Variants in RTN1 observed in about 807,000 individuals in gnomAD.
The protein encoded by RTN1 is reticulon 1, also known as reticulon-1.
Under a neutral mutation model 65.5 loss-of-function variants are expected in RTN1, and 25 were observed. The ratio of observed to expected loss-of-function variants is 0.38; its 90% CI spans 0.28 to 0.53. RTN1 has a LOEUF of 0.53. Among genes scored for constraint, RTN1 ranks in the 20% least tolerant of loss-of-function variants. The pLI is 0.79. For synonymous variants in RTN1, 471 were observed against 447.6 expected, an observed-to-expected ratio of 1.05 and a Z score of -0.66; for missense variants, 983 against 1,025.4, an observed-to-expected ratio of 0.96 and a Z score of 0.57.
chr14:59,631,868 A>G (rs1013384090), intron 3 of RTN1, among the ~76,000 whole-genome samples: 22 of 152,170 alleles, frequency 1.4e-4, no homozygotes, highest in Admixed American at 1.2e-3. Context: ...ATCTTGTGGC[A>G]TGGCCTTATC....
intron 1 of RTN1, among the ~76,000 whole-genome samples, chr14:59,754,200 A>T (rs1885587398): frequency 1.3e-5 from 2 of 152,214 alleles, no homozygotes; most frequent in Non-Finnish European, 2.9e-5. Context: ...AAATCCCAAT[A>T]TGTGTTGATA....
intron 8 of RTN1, among the ~76,000 whole-genome samples, chr14:59,597,388 A>G: frequency 6.6e-6 from 1 of 152,252 alleles, no homozygotes; most frequent in East Asian, 1.9e-4. Flanking sequence ...CATAGACTAG[A>G]TATCTCCAGG....
At chr14:59,609,506 G>T (rs951963986) in intron 3 of RTN1, among the ~76,000 whole-genome samples, 8 of 152,138 alleles carry the variant, frequency 5.3e-5, no homozygotes, top group African/African-American at 1.4e-4. Flanking sequence ...TCTTTTGGAA[G>T]ACATGACCTG....
intron 2 of RTN1, among the ~76,000 whole-genome samples, chr14:59,733,079 C>CTTTTTT (rs5809048): frequency 2.1e-5 from 3 of 145,784 alleles, no homozygotes; most frequent in Non-Finnish European, 1.5e-5. Context: ...GGTCAGACTG[C>CTTTTTT]TTTTTTTTTT....
intron 3 of RTN1, among the ~76,000 whole-genome samples, chr14:59,721,772 T>A (rs1206680332): frequency 1.3e-5 from 2 of 152,234 alleles, no homozygotes; most frequent in African/African-American, 2.4e-5. Context: ...TGGGTGATAA[T>A]TTTATAACCA....
At chr14:59,703,905 C>T (rs772529332) in intron 3 of RTN1, among the ~76,000 whole-genome samples, 2 of 152,160 alleles carry the variant, frequency 1.3e-5, no homozygotes, top group Non-Finnish European at 2.9e-5. Flanking sequence ...CAGGAGTGTT[C>T]CAGGCTGAGG....
intron 1 of RTN1, among the ~76,000 whole-genome samples, chr14:59,752,485 T>A (rs569955552): frequency 6.6e-6 from 1 of 152,046 alleles, no homozygotes; most frequent in Non-Finnish European, 1.5e-5. Flanking sequence ...AGCATATGAA[T>A]TTTGGGGCGG....
intron 3 of RTN1, among the ~76,000 whole-genome samples, chr14:59,656,372 A>G (rs552004684): frequency 6.6e-6 from 1 of 152,242 alleles, no homozygotes; most frequent in Non-Finnish European, 1.5e-5. Context: ...TATGTTAATT[A>G]AAAAGAAATA....
intron 1 of RTN1, among the ~76,000 whole-genome samples, chr14:59,827,733 C>G (rs1210462249): frequency 6.6e-6 from 1 of 152,160 alleles, no homozygotes; most frequent in Non-Finnish European, 1.5e-5. Context: ...AGAAAAGGCT[C>G]AGGTCAGCCA....
At chr14:59,731,472 G>T (rs1884895475) in intron 2 of RTN1, among the ~76,000 whole-genome samples, 1 of 152,058 alleles carries the variant, frequency 6.6e-6, no homozygotes, top group Non-Finnish European at 1.5e-5. Flanking sequence ...ACATTTAAAT[G>T]AATTGTATAG....
chr14:59,609,679 G>A (rs185209931), intron 3 of RTN1, among the ~76,000 whole-genome samples: 3 of 152,162 alleles, frequency 2.0e-5, no homozygotes, highest in Non-Finnish European at 2.9e-5. Flanking sequence ...GGTCTTTGAC[G>A]GTCCGGGGCC....
chr14:59,631,232 G>A (rs922662600), intron 3 of RTN1, among the ~76,000 whole-genome samples: 3 of 152,162 alleles, frequency 2.0e-5, no homozygotes, highest in Non-Finnish European at 4.4e-5. Context: ...TGTCCCAGAG[G>A]GCTTGTGTAT....
At chr14:59,824,387 A>G (rs1886995045) in intron 1 of RTN1, among the ~76,000 whole-genome samples, 1 of 152,194 alleles carries the variant, frequency 6.6e-6, no homozygotes, top group African/African-American at 2.4e-5. Context: ...CTTTGCTAAT[A>G]CTGTAGCTTT....
chr14:59,666,985 A>AGCCC, intron 3 of RTN1, among the ~76,000 whole-genome samples: 1 of 145,606 alleles, frequency 6.9e-6, no homozygotes, highest in South Asian at 2.2e-4. Context: ...AAAAAAAAAA[A>AGCCC]AAGCCCAGGA....
chr14:59,782,244 G>T (rs1342978633), intron 1 of RTN1, among the ~76,000 whole-genome samples: 2 of 152,104 alleles, frequency 1.3e-5, no homozygotes, highest in Non-Finnish European at 2.9e-5. Context: ...TGTTACAGAA[G>T]CCCAAACAGA....
intron 1 of RTN1, among the ~76,000 whole-genome samples, chr14:59,779,530 C>G (rs952319850): frequency 6.6e-6 from 1 of 151,644 alleles, no homozygotes. Context: ...AGGTGTTGAC[C>G]GAGGCGCAGG....
Position 59,819,441 on chromosome 14 carries a change from C to G in RTN1, c.241+50949G>C, listed in dbSNP as rs1566737554. On this transcript the variant is annotated intron_variant, in intron 1 of 8. Transcript: ENST00000267484. ...CCCCCCCCCACCCCCCACCCCCCCC[C>G]CCCGGCCACAGCTAGACACAGAGTA... is the stretch of plus-strand genomic sequence containing the variant. Among the ~76,000 whole-genome samples, 8 of 50,304 alleles carry G rather than the reference C, an allele frequency of 1.6e-4. 2 individuals carry two copies. The South Asian group carries it at 2.8e-3, about 18-fold the overall frequency. The allele number at this position is 50,304 out of a possible 152,430, so 33.0% of individuals were successfully genotyped here.
chr14:59,704,034 C>G (rs1276942338), intron 3 of RTN1, among the ~76,000 whole-genome samples: 1 of 152,164 alleles, frequency 6.6e-6, no homozygotes, highest in Non-Finnish European at 1.5e-5. Context: ...ATCACAGATT[C>G]AGGTTTTTCA....
At chr14:59,719,312 G>A (rs191122526) in intron 3 of RTN1, among the ~76,000 whole-genome samples, 2 of 152,248 alleles carry the variant, frequency 1.3e-5, no homozygotes, top group Admixed American at 1.3e-4. Context: ...TCTGGCCTTT[G>A]CATTTTATAT....
Sources: allele counts gnomAD v4.1 joint callset (sites outside exome capture counted in the v4.1 genomes callset), GRCh38; gene constraint gnomAD v4.1.1; transcripts MANE v1.5; gene names NCBI Gene and HGNC (gene_info 2026-07-23, HGNC 2026-07-21).